The following FRMD4B variants were observed in gnomAD, a reference collection of about 807,000 sequenced individuals.
The protein encoded by FRMD4B is FERM domain-containing protein 4B.
FRMD4B carries 74 observed loss-of-function variants against 141.5 expected under a neutral mutation model. That is an observed-to-expected ratio of 0.52 (90% CI 0.43 to 0.63). FRMD4B has a LOEUF of 0.63. FRMD4B is among the 30% of genes least tolerant of loss of function. The pLI, the probability that FRMD4B is intolerant of heterozygous loss-of-function variation, is 0.00. For missense variants in FRMD4B, 1,366 were observed against 1,253.4 expected, an observed-to-expected ratio of 1.09 and a Z score of -1.36; for synonymous variants, 506 against 467.9, an observed-to-expected ratio of 1.08 and a Z score of -1.05.
At chr3:69,384,436 T>C (rs1292685033) in intron 1 of FRMD4B, among the ~76,000 whole-genome samples, 1 of 152,082 alleles carries the variant, frequency 6.6e-6, no homozygotes, top group Admixed American at 6.6e-5. Context: ...CAAAATTACA[T>C]AAGGGGCACT....
chr3:69,309,591 T>TGGTGA (rs991461824), intron 3 of FRMD4B, among the ~76,000 whole-genome samples: 2 of 148,284 alleles, frequency 1.3e-5, no homozygotes, highest in African/African-American at 2.5e-5. Flanking sequence ...TACAGATGTG[T>TGGTGA]CACCATACCT....
rs76854605 is a variant in FRMD4B, at chr3:69,452,044, C to A, written c.-128-19283G>T. On this transcript the variant is annotated intron_variant, in intron 1 of 5. Transcript: ENST00000459638. ...AAATGTTTACAATATTGTTGAGACA[C>A]TGAGTTGTTCCTCTCCAGGAAAATG... is the stretch of plus-strand genomic sequence containing the variant. Among the ~76,000 whole-genome samples the A allele has an allele frequency of 8.3e-4, 126 of 152,356 alleles. 1 individual carries two copies. The highest frequency in any genetic ancestry group is 2.9e-3 in the African/African-American group (122 of 41,584).
chr3:69,240,937 G>A (rs73099836), intron 7 of FRMD4B, among the ~76,000 whole-genome samples: 133 of 152,250 alleles, frequency 8.7e-4, no homozygotes, highest in Non-Finnish European at 1.4e-3. Context: ...TATTCCTACC[G>A]AATGCCACGC....
At position 69,311,138 on chromosome 3, in the gene FRMD4B, C is replaced by A. The variant is rs11128122; in HGVS notation, c.323+125G>T. 68 of 504,950 alleles carry A rather than the reference C, an allele frequency of 1.3e-4. 1 individual carries two copies. The East Asian group carries it at 2.0e-3, about 15-fold the overall frequency. The allele number at this position is 504,950 out of a possible 1,614,324, so 31.3% of individuals were successfully genotyped here. ...AGGAGAAAAATCGCATATTAAAAAACCTTTAGCTAAGCAGGACATGTTCTG... is the reference window on the plus strand; with the variant it reads ...AGGAGAAAAATCGCATATTAAAAAAACTTTAGCTAAGCAGGACATGTTCTG... On this transcript the variant is annotated intron_variant, in intron 3 of 22. Transcript: ENST00000398540.
chr3:69,302,372 T>A lies in FRMD4B; in HGVS notation c.387A>T (p.Pro129=), dbSNP rs777547137. The change falls in exon 4 of 23, where the codon CCA becomes CCT. Residue 129 remains proline (P), a synonymous_variant. Transcript: ENST00000398540. Reference sequence around the variant, plus strand: ...CAGCAAAGTGCAAAATGGTTGGGCCTGGTTTCTTGGGCAAATCGTGGTCAA... The same window carrying A: ...CAGCAAAGTGCAAAATGGTTGGGCCAGGTTTCTTGGGCAAATCGTGGTCAA... ...RVLDHDLPKK[P]GPTILHFAVR... is the part of the protein sequence containing the mutation. 6.2e-6 allele frequency: 10 copies of A among 1,607,826 alleles called. No homozygotes were observed. The highest frequency in any genetic ancestry group is 8.5e-6 in the Non-Finnish European group (10 of 1,175,568).
chr3:69,212,772 A>G (rs1439772117), intron 11 of FRMD4B, among the ~76,000 whole-genome samples: 1 of 152,226 alleles, frequency 6.6e-6, no homozygotes, highest in African/African-American at 2.4e-5. Flanking sequence ...CTAATAAATT[A>G]CTTGTGAGTT....
At chr3:69,274,582 C>A (rs1170202673) in intron 5 of FRMD4B, among the ~76,000 whole-genome samples, 1 of 151,778 alleles carries the variant, frequency 6.6e-6, no homozygotes, top group African/African-American at 2.4e-5. Flanking sequence ...GCAGTGGCAC[C>A]ATCTCAGCTC....
At chr3:69,485,030 T>C (rs537930122) in intron 1 of FRMD4B, among the ~76,000 whole-genome samples, 157 of 152,242 alleles carry the variant, frequency 1.0e-3, no homozygotes, top group Non-Finnish European at 1.4e-3. Flanking sequence ...TGACCATCCA[T>C]GGCACCCAGG....
intron 1 of FRMD4B, among the ~76,000 whole-genome samples, chr3:69,383,673 C>T (rs2106693565): frequency 6.6e-6 from 1 of 152,242 alleles, no homozygotes; most frequent in Middle Eastern, 3.4e-3. Context: ...GATCCTCCTG[C>T]CTCAACGTCT....
At chr3:69,273,893 C>A (rs2093606166) in intron 5 of FRMD4B, among the ~76,000 whole-genome samples, 1 of 149,886 alleles carries the variant, frequency 6.7e-6, no homozygotes. Context: ...ATTTAACTCC[C>A]TGTAGGAAAT....
intron 1 of FRMD4B, 103 bp from the exon 2 acceptor site, chr3:69,313,620 A>T: frequency 1.4e-6 from 1 of 710,400 alleles, no homozygotes. Context: ...CTCAGCCTAA[A>T]AATGGCTTTA....
At chr3:69,287,638 T>A (rs1401174123) in intron 5 of FRMD4B, 114 bp downstream of exon 5, 1 of 673,874 alleles carries the variant, frequency 1.5e-6, no homozygotes, top group Non-Finnish European at 2.7e-6. Context: ...TGGAAAAGAT[T>A]GTGGCCTTTT....
At chr3:69,407,799 A>AC (rs1704674635) in intron 2 of FRMD4B, among the ~76,000 whole-genome samples, 1 of 152,158 alleles carries the variant, frequency 6.6e-6, no homozygotes, top group Admixed American at 6.5e-5. Context: ...CAGAAGTGTC[A>AC]CCCATTTCTT....
intron 1 of FRMD4B, among the ~76,000 whole-genome samples, chr3:69,460,551 C>T (rs985054114): frequency 2.0e-5 from 3 of 152,056 alleles, no homozygotes; most frequent in Non-Finnish European, 2.9e-5. Context: ...TTCTGGAAAG[C>T]GTTTTAAAAT....
rs141103362 is a variant in FRMD4B, at chr3:69,448,210, A to G, written c.-128-15449T>C. 1.9e-4 allele frequency among the ~76,000 whole-genome samples: 29 copies of G among 152,034 alleles called. No homozygotes were observed. The East Asian group carries it at 5.4e-3, about 29-fold the overall frequency. On this transcript the variant is annotated intron_variant, in intron 1 of 5. Coordinates refer to the FRMD4B transcript ENST00000459638. ...ACACCTGGCTAATTTTTGTATTTTT[A>G]GTAGAGACGATGTTTCACCATGTTA...
intron 5 of FRMD4B, among the ~76,000 whole-genome samples, chr3:69,277,776 T>G (rs2093625066): frequency 1.3e-5 from 2 of 152,136 alleles, no homozygotes; most frequent in South Asian, 4.1e-4. Flanking sequence ...GTGATCCACC[T>G]GCCTTGGCCT....
intron 2 of FRMD4B, among the ~76,000 whole-genome samples, chr3:69,424,726 T>C (rs964022321): frequency 3.9e-5 from 6 of 152,202 alleles, no homozygotes; most frequent in Non-Finnish European, 8.8e-5. Flanking sequence ...AGATATATGT[T>C]GACTACCTTA....
chr3:69,428,156 C>T (rs895655695), intron 2 of FRMD4B, among the ~76,000 whole-genome samples: 5 of 151,788 alleles, frequency 3.3e-5, no homozygotes, highest in Non-Finnish European at 7.4e-5. Flanking sequence ...AGAAGCTCTT[C>T]AGAGCTGGGA....
rs1195942434 is a variant in FRMD4B at position 69,536,021 on chromosome 3, G to T, written c.-129+6185C>A. On this transcript the variant is annotated intron_variant, in intron 1 of 5. Coordinates refer to the FRMD4B transcript ENST00000459638. ...TACTAAGCCCGCTGGCACTGGAAGG[G>T]ACCTGCGTGGCCTTGTCTGGCTTAG... The T allele has an allele frequency of 7.5e-6, 3 of 398,228 alleles. No individual in the cohort carries two copies. In the Admixed American group the frequency reaches 1.1e-4, roughly 14 times the overall value. 24.7% of individuals were successfully genotyped at this position (398,228 alleles called of 1,614,324 possible).
Sources: gnomAD v4.1 joint callset for allele counts (sites outside exome capture counted in the v4.1 genomes callset) on GRCh38, gnomAD v4.1.1 for gene constraint, MANE v1.5 for transcripts, NCBI Gene and HGNC (gene_info 2026-07-23, HGNC 2026-07-21) for gene names.